STOX2: variants seen among roughly 807,000 people sequenced by gnomAD.
The protein encoded by STOX2 is storkhead box 2.
In STOX2, 28 loss-of-function variants were observed where a neutral mutation model predicts 60.9. That is an observed-to-expected ratio of 0.46 (90% CI 0.34 to 0.63). The LOEUF (loss-of-function observed/expected upper bound fraction) is 0.63. Ranked by LOEUF, STOX2 falls within the 30% of genes least tolerant of loss-of-function variation. STOX2 has a pLI of 0.01. For synonymous variants in STOX2, 472 were observed against 463.9 expected (o/e 1.02, Z -0.22); for missense variants, 1,024 against 1,187.7 (o/e 0.86, Z 2.03).
chr4:184,004,385 G>A (rs951622762), intron 2 of STOX2, among the ~76,000 whole-genome samples: 5 of 152,008 alleles, frequency 3.3e-5, no homozygotes, highest in East Asian at 1.9e-4. Context: ...GGATCACGAC[G>A]TCAAGAGATC....
At chr4:183,911,379 T>C (rs768432881) in intron 1 of STOX2, among the ~76,000 whole-genome samples, 6 of 152,228 alleles carry the variant, frequency 3.9e-5, no homozygotes, top group Non-Finnish European at 8.8e-5. Flanking sequence ...AAGAGCGTCC[T>C]GTCACGTCCC....
chr4:183,889,247 G>A lies in STOX2; in HGVS notation c.364+91192G>A, dbSNP rs990544826. Among the ~76,000 whole-genome samples, 22 of 151,984 alleles carry A rather than the reference G, an allele frequency of 1.4e-4. 3 individuals carry two copies. The highest frequency in any genetic ancestry group is 1.4e-3 in the Admixed American group (22 of 15,266). ...TTAAGAGGAGGTTGTACTGGAGTAG[G>A]GTGGGCCCTCATCCAGCATGACTGG... On this transcript the variant is annotated intron_variant, in intron 1 of 2. Transcript: ENST00000513034.
At chr4:184,006,798 C>T (rs1213108283) in intron 2 of STOX2, among the ~76,000 whole-genome samples, 5 of 150,216 alleles carry the variant, frequency 3.3e-5, no homozygotes, top group Admixed American at 6.6e-5. Context: ...GGGCGGATCA[C>T]GAGGTCAGCA....
chr4:183,943,125 A>T (rs1742795186), intron 1 of STOX2, among the ~76,000 whole-genome samples: 1 of 152,244 alleles, frequency 6.6e-6, no homozygotes, highest in South Asian at 2.1e-4. Context: ...GAACACTGAC[A>T]TAATTAAATA....
intron 1 of STOX2, among the ~76,000 whole-genome samples, chr4:183,855,085 A>C (rs1180374121): frequency 6.6e-6 from 1 of 152,140 alleles, no homozygotes; most frequent in Non-Finnish European, 1.5e-5. Flanking sequence ...GTGATGTAAT[A>C]GAGTATTTGG....
Position 183,985,411 on chromosome 4 carries a change from C to T in STOX2, c.167-15914C>T, listed in dbSNP as rs893091214. Reference sequence around the variant, plus strand: ...CTTTCAGTGGCTGAAAGAACAGACTCGAGAGCCAGCTGCCTTGGGTTGAAA... The same window carrying T: ...CTTTCAGTGGCTGAAAGAACAGACTTGAGAGCCAGCTGCCTTGGGTTGAAA... On this transcript the variant is annotated intron_variant, in intron 1 of 3. Transcript: ENST00000308497. Among the ~76,000 whole-genome samples the T allele has an allele frequency of 7.9e-5, 12 of 152,132 alleles. No homozygotes were observed. The East Asian group carries it at 9.6e-4, about 12-fold the overall frequency.
intron 1 of STOX2, among the ~76,000 whole-genome samples, chr4:183,964,087 C>G (rs1743493443): frequency 6.6e-6 from 1 of 152,110 alleles, no homozygotes; most frequent in Non-Finnish European, 1.5e-5. Flanking sequence ...CTTTACAAAG[C>G]TGAATGTTGA....
At chr4:184,014,585 A>C (rs1172515233) in intron 3 of STOX2, 1 of 151,668 alleles carries the variant, frequency 6.6e-6, no homozygotes, top group Non-Finnish European at 1.5e-5. Flanking sequence ...AAAAAAAAAC[A>C]AAAAACAAAA....
chr4:183,848,595 G>A (rs1207095973), intron 1 of STOX2, among the ~76,000 whole-genome samples: 4 of 152,114 alleles, frequency 2.6e-5, no homozygotes, highest in Admixed American at 2.0e-4. Flanking sequence ...GAGAATAACC[G>A]TTAGGTGGGC....
At chr4:183,839,705 G>C (rs569796647) in intron 1 of STOX2, among the ~76,000 whole-genome samples, 65 of 152,132 alleles carry the variant, frequency 4.3e-4, no homozygotes, top group African/African-American at 1.6e-3. Flanking sequence ...GTTCTTTTTC[G>C]GACATTCTGA....
intron 1 of STOX2, among the ~76,000 whole-genome samples, chr4:183,915,510 G>A (rs899660517): frequency 2.0e-5 from 3 of 151,494 alleles, no homozygotes; most frequent in Non-Finnish European, 4.4e-5. Flanking sequence ...GAATGTGTCC[G>A]CCCAAAAGAT....
intron 1 of STOX2, among the ~76,000 whole-genome samples, chr4:183,932,164 G>T (rs1222633262): frequency 6.6e-6 from 1 of 152,072 alleles, no homozygotes; most frequent in Non-Finnish European, 1.5e-5. Context: ...TTCTGAGAAA[G>T]GGAGAGGTGC....
chr4:183,930,166 C>CT (rs11318493), intron 1 of STOX2, among the ~76,000 whole-genome samples: 85,945 of 135,576 alleles, frequency 0.63, 32,464 homozygotes, highest in Non-Finnish European at 0.85. Flanking sequence ...ACCAGGCCAA[C>CT]TTTTTTTTTT....
chr4:183,926,056 G>A (rs1742233098), intron 1 of STOX2, among the ~76,000 whole-genome samples: 1 of 152,086 alleles, frequency 6.6e-6, no homozygotes, highest in Non-Finnish European at 1.5e-5. Context: ...GGAGAACCAA[G>A]TAATTCTGCA....
At chr4:183,864,540 C>G (rs1277911485) in intron 1 of STOX2, among the ~76,000 whole-genome samples, 2 of 151,898 alleles carry the variant, frequency 1.3e-5, no homozygotes, top group Non-Finnish European at 2.9e-5. Flanking sequence ...ATTACAGGCG[C>G]CCACCACCAT....
chr4:183,933,524 G>A (rs1168919606), intron 1 of STOX2, among the ~76,000 whole-genome samples: 5 of 152,206 alleles, frequency 3.3e-5, no homozygotes, highest in Non-Finnish European at 1.5e-5. Flanking sequence ...GAGTAGCTGG[G>A]ATTACAGGCG....
intron 2 of STOX2, among the ~76,000 whole-genome samples, chr4:184,005,882 T>C (rs913655267): frequency 6.6e-6 from 1 of 152,202 alleles, no homozygotes; most frequent in South Asian, 2.1e-4. Flanking sequence ...CTAGTTTGCA[T>C]TATCAAATTA....
intron 1 of STOX2, among the ~76,000 whole-genome samples, chr4:183,845,731 C>T (rs1251617660): frequency 6.6e-6 from 1 of 152,236 alleles, no homozygotes. Context: ...CAGTTCTCCT[C>T]TGCATATGTG....
chr4:183,807,455 G>T (rs1022268710), intron 1 of STOX2, among the ~76,000 whole-genome samples: 7 of 147,118 alleles, frequency 4.8e-5, no homozygotes, highest in African/African-American at 1.8e-4. Context: ...CCACCTGTCA[G>T]CCTAAGGCGC....
Sources: gnomAD v4.1 joint callset for allele counts (sites outside exome capture counted in the v4.1 genomes callset) on GRCh38, gnomAD v4.1.1 for gene constraint, MANE v1.5 for transcripts, NCBI Gene and HGNC (gene_info 2026-07-23, HGNC 2026-07-21) for gene names.